Variants in PSD3 observed in about 807,000 individuals in gnomAD.
PSD3 encodes the protein pleckstrin and Sec7 domain containing 3.
Under a neutral mutation model 105.5 loss-of-function variants are expected in PSD3, and 49 were observed. The observed-to-expected ratio is 0.46, with a 90% confidence interval of 0.37 to 0.59. The LOEUF is 0.59. Ranked by LOEUF, PSD3 falls within the 20% of genes least tolerant of loss-of-function variation. PSD3 has a pLI of 0.00. For missense variants in PSD3, 1,561 were observed against 1,263.8 expected, an observed-to-expected ratio of 1.24 and a Z score of -3.57; for synonymous variants, 557 against 457.8, an observed-to-expected ratio of 1.22 and a Z score of -2.77.
chr8:18,873,948 C>A (rs1009280887), intron 2 of PSD3, among the ~76,000 whole-genome samples: 1 of 152,146 alleles, frequency 6.6e-6, no homozygotes, highest in African/African-American at 2.4e-5. Flanking sequence ...CCAGTGAGAA[C>A]TGAAAATGGG....
At chr8:19,075,730 C>A (rs1829444850) in intron 1 of PSD3, among the ~76,000 whole-genome samples, 1 of 152,160 alleles carries the variant, frequency 6.6e-6, no homozygotes, top group Non-Finnish European at 1.5e-5. Flanking sequence ...AAGTATTAAA[C>A]CTTTGTAAAT....
rs991189741 is a variant in PSD3 at position 18,645,784 on chromosome 8, G to A, written c.2216+9858C>T. On this transcript the variant is annotated intron_variant, in intron 10 of 15. Transcript: ENST00000327040. ...TCATTTAATTGTATGAGCACCTCAA[G>A]TGGAGAACTGAGTTTTATTCCTTCT... 3.3e-5 allele frequency among the ~76,000 whole-genome samples: 5 copies of A among 152,154 alleles called. No homozygotes were observed. The South Asian group carries it at 6.2e-4, about 19-fold the overall frequency.
At chr8:18,608,323 C>G (rs1488320611) in intron 11 of PSD3, among the ~76,000 whole-genome samples, 1 of 152,172 alleles carries the variant, frequency 6.6e-6, no homozygotes, top group Non-Finnish European at 1.5e-5. Flanking sequence ...ATGGTCTGTA[C>G]CAGTACACAG....
intron 4 of PSD3, among the ~76,000 whole-genome samples, chr8:18,814,415 TAAC>T (rs1463190474): frequency 2.6e-5 from 4 of 152,312 alleles, no homozygotes; most frequent in African/African-American, 7.2e-5. Context: ...GCTTCCAACA[TAAC>T]AACTGTACTT....
chr8:18,709,618 G>C (rs933700243), intron 9 of PSD3, among the ~76,000 whole-genome samples: 4 of 152,160 alleles, frequency 2.6e-5, no homozygotes, highest in African/African-American at 9.7e-5. Context: ...TGTCCCTCTA[G>C]GACAGAGTTC....
chr8:18,936,213 T>A (rs972199463), intron 1 of PSD3, 71 bp from the exon 2 acceptor site: 12 of 990,542 alleles, frequency 1.2e-5, no homozygotes, highest in Non-Finnish European at 1.7e-5. Context: ...AAACAAATTA[T>A]CCAACATGAG....
intron 9 of PSD3, among the ~76,000 whole-genome samples, chr8:18,724,009 G>A (rs1803173932): frequency 1.3e-5 from 2 of 151,916 alleles, no homozygotes; most frequent in African/African-American, 4.8e-5. Context: ...CTCAAGTAAA[G>A]ATCTGTAAAC....
chr8:18,826,295 G>C (rs1053610916), intron 4 of PSD3, among the ~76,000 whole-genome samples: 6 of 152,118 alleles, frequency 3.9e-5, no homozygotes, highest in African/African-American at 1.2e-4. Context: ...CCGTAATCAC[G>C]TGAACCAATT....
chr8:19,026,878 C>T (rs894861222), intron 1 of PSD3, among the ~76,000 whole-genome samples: 2 of 151,388 alleles, frequency 1.3e-5, no homozygotes, highest in Non-Finnish European at 2.9e-5. Flanking sequence ...TGCCCCCCCA[C>T]CCAAAAATAT....
At chr8:18,802,700 T>C (rs1482583761) in intron 6 of PSD3, among the ~76,000 whole-genome samples, 2 of 152,206 alleles carry the variant, frequency 1.3e-5, no homozygotes, top group Non-Finnish European at 2.9e-5. Flanking sequence ...CCTCAGTTTC[T>C]TGATTTGTAA....
chr8:18,640,563 T>A lies in PSD3; in HGVS notation c.2217-7757A>T, dbSNP rs145616242. On this transcript the variant is annotated intron_variant, in intron 10 of 15. Coordinates refer to ENST00000327040, the MANE Select transcript of PSD3 (RefSeq NM_015310.4). Reference sequence around the variant, plus strand: ...CTCATTCTTCTCCTTCCTGCCACCATGTGAAGAAGGACGTGTTTCCTTCCC... The same window carrying A: ...CTCATTCTTCTCCTTCCTGCCACCAAGTGAAGAAGGACGTGTTTCCTTCCC... 9.1e-4 allele frequency among the ~76,000 whole-genome samples: 138 copies of A among 152,306 alleles called. 2 individuals are homozygous for A. The highest frequency in any genetic ancestry group is 7.4e-3 in the Admixed American group (113 of 15,298).
chr8:18,553,722 A>T (rs993320308), intron 15 of PSD3, among the ~76,000 whole-genome samples: 1 of 152,178 alleles, frequency 6.6e-6, no homozygotes, highest in African/African-American at 2.4e-5. Context: ...TGTTAATTTA[A>T]ATTACTGAAA....
In PSD3 at chr8:18,703,569, G is replaced by C. The variant is rs1048986091; in HGVS notation, c.2173-47884C>G. Among the ~76,000 whole-genome samples, 9 of 152,210 alleles carry C rather than the reference G, an allele frequency of 5.9e-5. No homozygotes were observed. The East Asian group carries it at 1.5e-3, about 26-fold the overall frequency. ...GTGAAAATAAATCACCCAGAGAAAA[G>C]AGATCCCATATAGAGAATTCCCTTG... On this transcript the variant is annotated intron_variant, in intron 9 of 15. Transcript: ENST00000327040.
At chr8:18,657,084 A>G (rs1479643122) in intron 9 of PSD3, among the ~76,000 whole-genome samples, 2 of 152,184 alleles carry the variant, frequency 1.3e-5, no homozygotes, top group East Asian at 3.8e-4. Context: ...TTACTCTGAG[A>G]TAGAAAAAAG....
chr8:18,906,526 C>T (rs562193703), intron 2 of PSD3, among the ~76,000 whole-genome samples: 182 of 152,288 alleles, frequency 1.2e-3, no homozygotes, highest in Non-Finnish European at 1.9e-3. Context: ...GCTAGGAAGG[C>T]TCTGATGGCC....
At chr8:18,989,028 G>C (rs1042543250) in intron 1 of PSD3, among the ~76,000 whole-genome samples, 3 of 152,114 alleles carry the variant, frequency 2.0e-5, no homozygotes, top group African/African-American at 7.2e-5. Flanking sequence ...AGATAAATTG[G>C]GTTCCGTAGG....
intron 4 of PSD3, among the ~76,000 whole-genome samples, chr8:18,844,923 T>A (rs892720029): frequency 6.6e-6 from 1 of 152,204 alleles, no homozygotes; most frequent in African/African-American, 2.4e-5. Flanking sequence ...CTGGTTACAA[T>A]GATCAGTTCA....
At chr8:18,943,392 C>T (rs554516605) in intron 1 of PSD3, among the ~76,000 whole-genome samples, 1 of 152,042 alleles carries the variant, frequency 6.6e-6, no homozygotes, top group Non-Finnish European at 1.5e-5. Flanking sequence ...ACTAAAAGCA[C>T]AGTAAAGAGA....
chr8:18,578,977 G>A (rs566368586), intron 12 of PSD3, among the ~76,000 whole-genome samples: 3 of 152,094 alleles, frequency 2.0e-5, no homozygotes, highest in South Asian at 4.1e-4. Flanking sequence ...TTAAGTCTAG[G>A]AAGCTTCCGC....
Sources: allele counts gnomAD v4.1 joint callset (sites outside exome capture counted in the v4.1 genomes callset), GRCh38; gene constraint gnomAD v4.1.1; transcripts MANE v1.5; gene names NCBI Gene and HGNC (gene_info 2026-07-23, HGNC 2026-07-21).